Variants in KCNT1 observed in about 807,000 individuals in gnomAD.
KCNT1 encodes the protein potassium channel subfamily T member 1.
In KCNT1, 78 loss-of-function variants were observed where a neutral mutation model predicts 147.8. That is an observed-to-expected ratio of 0.53 (90% CI 0.44 to 0.64). The LOEUF is 0.64. Ranked by LOEUF, KCNT1 falls within the 30% of genes least tolerant of loss-of-function variation. The pLI is 0.00. For synonymous variants in KCNT1, 867 were observed against 748.8 expected (o/e 1.16, Z -2.58); for missense variants, 1,419 against 1,750.3 (o/e 0.81, Z 3.38).
chr9:135,709,524 G>T (rs1381773431), intron 1 of KCNT1, among the ~76,000 whole-genome samples: 2 of 151,664 alleles, frequency 1.3e-5, no homozygotes, highest in Non-Finnish European at 2.9e-5. Flanking sequence ...CTACATGAGA[G>T]CCCTGGCTTG....
At chr9:135,791,717 C>A in intron 29 of KCNT1, 80 bp from the exon 30 acceptor site, 1 of 1,198,952 alleles carries the variant, frequency 8.3e-7, no homozygotes, top group Non-Finnish European at 1.2e-6. Context: ...CATCCTGGAG[C>A]CCCCACACCT....
At position 135,786,123 on chromosome 9, in the gene KCNT1, G is replaced by A. The variant is rs1211579876; in HGVS notation, c.3178-74G>A. 2.9e-6 allele frequency: 4 copies of A among 1,378,062 alleles called. No homozygotes were observed. In the East Asian group the frequency reaches 9.7e-5, roughly 33 times the overall value. The allele number at this position is 1,378,062 out of a possible 1,614,324, so 85.4% of individuals were successfully genotyped here. On this transcript the variant is annotated intron_variant, in intron 28 of 30. Coordinates refer to ENST00000371757, the MANE Select transcript of KCNT1 (RefSeq NM_020822.3). Reference sequence around the variant, plus strand: ...CTGCAGAGCCCACACCTCTTCCTAAGCCCCTGCCCCAAAGCCCGCGACCCT... The same window carrying A: ...CTGCAGAGCCCACACCTCTTCCTAAACCCCTGCCCCAAAGCCCGCGACCCT...
intron 5 of KCNT1, among the ~76,000 whole-genome samples, chr9:135,754,896 G>A (rs1477666287): frequency 6.6e-6 from 1 of 152,174 alleles, no homozygotes. Context: ...CTCCTGGGGG[G>A]CCTGCCTGCT....
intron 2 of KCNT1, among the ~76,000 whole-genome samples, chr9:135,729,470 C>T (rs1219781073): frequency 2.0e-5 from 3 of 152,242 alleles, no homozygotes; most frequent in Non-Finnish European, 2.9e-5. Context: ...CCCAGCCCTG[C>T]GGATGCCTCC....
In KCNT1 at chr9:135,718,123, C is replaced by T. The variant is rs145285638; in HGVS notation, c.254+3403C>T. Among the ~76,000 whole-genome samples, 79 of 152,316 alleles carry T rather than the reference C, an allele frequency of 5.2e-4. 1 individual carries two copies. Among genetic ancestry groups the T allele is most frequent in the African/African-American group, 1.9e-3 (77 of 41,570 alleles). On this transcript the variant is annotated intron_variant, in intron 2 of 30. Transcript: ENST00000371757. Reference sequence around the variant, plus strand: ...GGGTGCTTGGGGTGGGGTCTGATGCCTCTATCTGCCATTAGAAGCCATCCC... The same window carrying T: ...GGGTGCTTGGGGTGGGGTCTGATGCTTCTATCTGCCATTAGAAGCCATCCC...
intron 1 of KCNT1, among the ~76,000 whole-genome samples, chr9:135,712,669 C>T (rs1835550768): frequency 6.6e-6 from 1 of 152,220 alleles, no homozygotes; most frequent in African/African-American, 2.4e-5. Flanking sequence ...TGCGATGGGC[C>T]CCTTTCCCAG....
chr9:135,720,527 C>T (rs1321313820), intron 2 of KCNT1, among the ~76,000 whole-genome samples: 1 of 152,074 alleles, frequency 6.6e-6, no homozygotes, highest in East Asian at 1.9e-4. Flanking sequence ...CTTCCTATCC[C>T]CTCCCCACCC....
chr9:135,742,380 G>A (rs746254864), intron 2 of KCNT1, among the ~76,000 whole-genome samples: 6 of 152,308 alleles, frequency 3.9e-5, no homozygotes, highest in East Asian at 1.9e-4. Context: ...CCAAAGCATC[G>A]TCACCTGCTT....
intron 5 of KCNT1, among the ~76,000 whole-genome samples, chr9:135,754,501 C>T (rs1420433515): frequency 6.6e-6 from 1 of 152,180 alleles, no homozygotes; most frequent in Non-Finnish European, 1.5e-5. Flanking sequence ...GACTGCGGGG[C>T]AACTGGGGTG....
Position 135,714,084 on chromosome 9 carries a change from G to T in KCNT1, c.111-493G>T, listed in dbSNP as rs376411671. Among the ~76,000 whole-genome samples the T allele has an allele frequency of 6.2e-4, 95 of 152,188 alleles. 1 individual carries two copies. The South Asian group carries it at 0.015, about 24-fold the overall frequency. ...ACCCTCACCCCTCAACAGCCTGAGG[G>T]TCTGAGACGGGGGTCTCTGGGGCTG... On this transcript the variant is annotated intron_variant, in intron 1 of 30. Coordinates refer to ENST00000371757, the MANE Select transcript of KCNT1 (RefSeq NM_020822.3). The surrounding 1 kb of genome is among the most constrained non-coding windows in gnomAD (Gnocchi z 6.2).
rs1242134270 is a variant in KCNT1 at position 135,759,871 on chromosome 9, G to T, written c.1035+12G>T. 1.9e-6 allele frequency: 3 copies of T among 1,590,954 alleles called. No homozygotes were observed. In the South Asian group the frequency reaches 3.4e-5, roughly 18 times the overall value. ...TGCTCCCACTGCAGGTGGGTCCTCT[G>T]GGCACCAGCCCTGGGTGGCACCAGC... On this transcript the variant is annotated intron_variant, in intron 11 of 30. Transcript: ENST00000371757.
chr9:135,778,522 G>C (rs1833343835), intron 22 of KCNT1, 27 bp downstream of exon 22: 1 of 1,599,798 alleles, frequency 6.3e-7, no homozygotes, highest in Non-Finnish European at 8.5e-7. Context: ...CGAGGCTCGT[G>C]GGGGCTCCAC....
chr9:135,754,697 T>A (rs994628714), intron 5 of KCNT1, among the ~76,000 whole-genome samples: 1 of 152,164 alleles, frequency 6.6e-6, no homozygotes, highest in Non-Finnish European at 1.5e-5. Context: ...ACCTCCCTGC[T>A]CTTAGGGACA....
At chr9:135,788,267 C>G in intron 29 of KCNT1, 1 of 964,530 alleles carries the variant, frequency 1.0e-6, no homozygotes, top group East Asian at 2.4e-5. Flanking sequence ...TGGACAGGAG[C>G]TGTGAGAGCA....
chr9:135,707,956 TA>T (rs1835323706), intron 1 of KCNT1, among the ~76,000 whole-genome samples: 1 of 152,212 alleles, frequency 6.6e-6, no homozygotes, highest in South Asian at 2.1e-4. Flanking sequence ...GCCCCTCCCC[TA>T]AAGAGAGACG....
At position 135,770,561 on chromosome 9, in the gene KCNT1, C is replaced by T. The variant is rs929535509; in HGVS notation, c.1769+114C>T. On this transcript the variant is annotated intron_variant, in intron 17 of 30. Transcript: ENST00000371757. Reference sequence around the variant, plus strand: ...CCCTGGGGCGGGGCTGCAGAGGGCTCGGGGGAGGGCATCAGGTCATCCTGC... The same window carrying T: ...CCCTGGGGCGGGGCTGCAGAGGGCTTGGGGGAGGGCATCAGGTCATCCTGC... 1.9e-5 allele frequency: 25 copies of T among 1,324,042 alleles called. No individual in the cohort carries two copies. The Middle Eastern group carries it at 6.7e-4, about 36-fold the overall frequency. The allele number at this position is 1,324,042 out of a possible 1,614,324, so 82.0% of individuals were successfully genotyped here.
rs1835657473 is a variant in KCNT1, at chr9:135,714,849, G to A, written c.254+129G>A. Reference sequence around the variant, plus strand: ...CCGCCGGCGCCCTTCAACTTTTCCCGGCTTCTGGGGACGCAGAAGTTTCGG... The same window carrying A: ...CCGCCGGCGCCCTTCAACTTTTCCCAGCTTCTGGGGACGCAGAAGTTTCGG... On this transcript the variant is annotated intron_variant, in intron 2 of 30. Transcript: ENST00000371757. This position sits in a 1 kb window ranked among gnomAD's most constrained non-coding sequence, Gnocchi z 6.2. 2 of 588,958 alleles carry A rather than the reference G, an allele frequency of 3.4e-6. No individual in the cohort carries two copies. Among genetic ancestry groups the A allele is most frequent in the Non-Finnish European group, 2.3e-6 (1 of 438,380 alleles). 36.5% of individuals were successfully genotyped at this position (588,958 alleles called of 1,614,324 possible).
Position 135,714,649 on chromosome 9 carries a change from G to T in KCNT1, c.183G>T (p.Val61=). The change falls in exon 2 of 31, where the codon GTG becomes GTT. Residue 61 remains valine, a synonymous_variant. Coordinates refer to ENST00000371757, the MANE Select transcript of KCNT1 (RefSeq NM_020822.3). This position sits in a 1 kb window ranked among gnomAD's most constrained non-coding sequence, Gnocchi z 6.2. ...AGATGAGCGACCTGGACTCCGAGGT[G>T]CTGCCCTTGCCGCCGCGCTACCGCT... ...GFKMSDLDSE[V]LPLPPRYRFR... is the part of the protein sequence containing the mutation. 1 of 1,481,992 alleles carries T rather than the reference G, an allele frequency of 6.7e-7. No individual in the cohort carries two copies. Among genetic ancestry groups the T allele is most frequent in the Non-Finnish European group, 9.0e-7 (1 of 1,106,770 alleles). The allele number at this position is 1,481,992 out of a possible 1,614,324, so 91.8% of individuals were successfully genotyped here.
rs1020317170 is a variant in KCNT1, at chr9:135,752,728, A to AGATG, written c.435-1194_435-1191dup. Among the ~76,000 whole-genome samples the AGATG allele has an allele frequency of 2.0e-5, 3 of 148,846 alleles. No individual in the cohort carries two copies. The highest frequency in any genetic ancestry group is 5.0e-5 in the African/African-American group (2 of 39,970). ...ATGGATAGGTGGATGCATGGTGGGT[A>AGATG]GATGGATGGATGGATGGAATAGATG... On this transcript the variant is annotated intron_variant, in intron 4 of 30. Transcript: ENST00000371757. This position sits in a 1 kb window ranked among gnomAD's most constrained non-coding sequence, Gnocchi z 5.1.
Sources: gnomAD v4.1 joint callset for allele counts (sites outside exome capture counted in the v4.1 genomes callset) on GRCh38, gnomAD v4.1.1 for gene constraint, Gnocchi (gnomAD v3.1) non-coding constraint, MANE v1.5 for transcripts, NCBI Gene and HGNC (gene_info 2026-07-23, HGNC 2026-07-21) for gene names.